CDC42BPB: variants seen among roughly 807,000 people sequenced by gnomAD.
CDC42BPB encodes the protein serine/threonine-protein kinase MRCK beta.
CDC42BPB carries 37 observed loss-of-function variants against 214.9 expected under a neutral mutation model. The ratio of observed to expected loss-of-function variants is 0.17; its 90% confidence interval spans 0.13 to 0.23. The LOEUF (loss-of-function observed/expected upper bound fraction) is 0.23. Among genes scored for constraint, CDC42BPB ranks in the 10% least tolerant of loss-of-function variants. The probability of loss-of-function intolerance (pLI) is 1.00; values close to 1 mark genes in which losing one functional copy is unlikely to be tolerated. For missense variants in CDC42BPB, 1,694 were observed against 2,227.0 expected, an observed-to-expected ratio of 0.76 and a Z score of 4.82; for synonymous variants, 931 against 884.0, an observed-to-expected ratio of 1.05 and a Z score of -0.94.
chr14:103,043,876 TA>T (rs1227179635), intron 1 of CDC42BPB, among the ~76,000 whole-genome samples: 5 of 152,160 alleles, frequency 3.3e-5, no homozygotes, highest in African/African-American at 4.8e-5. Context: ...TCTTGCTTTT[TA>T]AAAAAAATAA....
At chr14:102,986,708 G>C (rs953861499) in intron 5 of CDC42BPB, 128 bp from the exon 6 acceptor site, 9 of 1,380,836 alleles carry the variant, frequency 6.5e-6, no homozygotes, top group Non-Finnish European at 8.5e-6. Flanking sequence ...TCACCATCCA[G>C]TACAAATGCC....
chr14:102,975,591 C>G, intron 11 of CDC42BPB, 93 bp downstream of exon 11: 1 of 1,321,770 alleles, frequency 7.6e-7, no homozygotes, highest in Non-Finnish European at 1.1e-6. Flanking sequence ...TTTTTTTCTG[C>G]TTTCCCACTT....
In CDC42BPB at chr14:102,960,262, G is replaced by T. The variant is rs144255372; in HGVS notation, c.2822-552C>A. On this transcript the variant is annotated intron_variant, in intron 20 of 36. Transcript: ENST00000361246. ...CAAAACCACAGGGGCAGCTGGGCTGGGCGTAGGTGGAGGAGGAGCAGATCT... is the reference window on the plus strand; with the variant it reads ...CAAAACCACAGGGGCAGCTGGGCTGTGCGTAGGTGGAGGAGGAGCAGATCT... Among the ~76,000 whole-genome samples the T allele has an allele frequency of 5.5e-3, 835 of 152,132 alleles. 7 individuals carry two copies. The highest frequency in any genetic ancestry group is 8.4e-3 in the Admixed American group (128 of 15,266).
chr14:102,970,210 G>A lies in CDC42BPB; in HGVS notation c.1936C>T (p.Leu646Phe), dbSNP rs1247042382. 1 of 1,613,932 alleles carries A rather than the reference G, an allele frequency of 6.2e-7. No homozygotes were observed. The highest frequency in any genetic ancestry group is 8.5e-7 in the Non-Finnish European group (1 of 1,179,980). ...CAGAAGTTCTCGCTGTGCTCACGAAGCTTGCGCTCCTTGGAGGCCTCAGCA... is the reference window on the plus strand; with the variant it reads ...CAGAAGTTCTCGCTGTGCTCACGAAACTTGCGCTCCTTGGAGGCCTCAGCA... ...AVAEASKERKLREHSENFCKQ... is the reference protein window; with the variant it reads ...AVAEASKERKFREHSENFCKQ... Residue 646 changes from leucine to phenylalanine, a missense_variant, in exon 14 of 37, where the codon CTT (leucine) becomes TTT (phenylalanine). Around this residue, in one of 7 missense-constraint regions of CDC42BPB, gnomAD observed 462 missense variants for 513.5 expected, o/e 0.90. Coordinates refer to ENST00000361246, the MANE Select transcript of CDC42BPB (RefSeq NM_006035.4).
chr14:102,941,335 TA>T, intron 30 of CDC42BPB: 1 of 985,488 alleles, frequency 1.0e-6, no homozygotes, highest in African/African-American at 1.7e-5. Context: ...AGATGCATTT[TA>T]AAAGCCTTCT....
intron 1 of CDC42BPB, among the ~76,000 whole-genome samples, chr14:103,023,970 G>A (rs1886912659): frequency 6.6e-6 from 1 of 152,166 alleles, no homozygotes; most frequent in Admixed American, 6.5e-5. Context: ...GATGGGGGCG[G>A]TGCCCACCCC....
At chr14:103,000,846 C>T (rs1200364142) in intron 4 of CDC42BPB, among the ~76,000 whole-genome samples, 2 of 152,310 alleles carry the variant, frequency 1.3e-5, no homozygotes, top group East Asian at 3.9e-4. Flanking sequence ...ACCAAGACCC[C>T]ATCGACACGG....
intron 1 of CDC42BPB, among the ~76,000 whole-genome samples, chr14:103,056,780 G>A (rs554736594): frequency 1.3e-5 from 2 of 152,248 alleles, no homozygotes; most frequent in Admixed American, 6.5e-5. Flanking sequence ...AAGGAGGGAT[G>A]AAAAGCTAGC....
In CDC42BPB at chr14:102,972,815, A is replaced by C. The variant is rs577259468; in HGVS notation, c.1642-654T>G. Among the ~76,000 whole-genome samples the C allele has an allele frequency of 4.0e-5, 6 of 148,680 alleles. No homozygotes were observed. In the South Asian group the frequency reaches 1.3e-3, roughly 32 times the overall value. ...GTAATGTCAGCCTCTGCCCAGTGTC[A>C]CCTGCACAGCCGCAAAGCTGAATGA... On this transcript the variant is annotated intron_variant, in intron 12 of 36. Coordinates refer to ENST00000361246, the MANE Select transcript of CDC42BPB (RefSeq NM_006035.4).
chr14:103,043,635 A>G (rs1170670943), intron 1 of CDC42BPB, among the ~76,000 whole-genome samples: 1 of 152,184 alleles, frequency 6.6e-6, no homozygotes, highest in Non-Finnish European at 1.5e-5. Flanking sequence ...GTATGCTTTA[A>G]ACAGGTAAAT....
intron 1 of CDC42BPB, among the ~76,000 whole-genome samples, chr14:103,026,467 A>G (rs1475879620): frequency 6.6e-6 from 1 of 152,232 alleles, no homozygotes; most frequent in African/African-American, 2.4e-5. Context: ...TCTTACAGGT[A>G]AAACATGAAA....
intron 6 of CDC42BPB, among the ~76,000 whole-genome samples, chr14:102,985,952 A>G (rs187020709): frequency 1.6e-4 from 24 of 152,326 alleles, no homozygotes; most frequent in African/African-American, 5.8e-4. Context: ...TCCTGGTGAT[A>G]GCCGATCCGG....
chr14:102,941,851 C>A (rs768670970), intron 30 of CDC42BPB, among the ~76,000 whole-genome samples: 1 of 152,206 alleles, frequency 6.6e-6, no homozygotes, highest in Non-Finnish European at 1.5e-5. Flanking sequence ...CCACACAGGG[C>A]ACTAGCAAAG....
At position 102,938,399 on chromosome 14, in the gene CDC42BPB, G is replaced by C. The variant is rs142790424; in HGVS notation, c.4840C>G (p.Pro1614Ala). 2 of 1,547,948 alleles carry C rather than the reference G, an allele frequency of 1.3e-6. No individual in the cohort carries two copies. The highest frequency in any genetic ancestry group is 2.8e-5 in the African/African-American group (2 of 72,488). ...GGGCCCGGCCTTTCCTCCTGGGAGGGGGGCACAGCACTCTGGGCAGAAATA... is the reference window on the plus strand; with the variant it reads ...GGGCCCGGCCTTTCCTCCTGGGAGGCGGGCACAGCACTCTGGGCAGAAATA... ...LMDLPLSAVP[P>A]SQEERPGPAP... is the part of the protein sequence containing the mutation. Residue 1614 changes from proline to alanine, a missense_variant, in exon 35 of 37, where the codon CCC becomes GCC. By Grantham distance (27) the Pro-to-Ala change is conservative (BLOSUM62 -1). Around this residue, in one of 7 missense-constraint regions of CDC42BPB, gnomAD observed 146 missense variants for 134.1 expected, o/e 1.09. Transcript: ENST00000361246.
intron 1 of CDC42BPB, among the ~76,000 whole-genome samples, chr14:103,053,775 A>G (rs1037110737): frequency 2.0e-5 from 3 of 151,960 alleles, no homozygotes; most frequent in Non-Finnish European, 4.4e-5. Context: ...AAAAAAAAAA[A>G]AAGTTGAAAT....
intron 1 of CDC42BPB, chr14:103,041,531 GC>G: frequency 7.3e-7 from 1 of 1,378,652 alleles, no homozygotes; most frequent in Admixed American, 1.9e-5. Flanking sequence ...CTGGCTCGTG[GC>G]CACATGGTTC....
chr14:103,033,271 G>C (rs1887493322), intron 1 of CDC42BPB, among the ~76,000 whole-genome samples: 1 of 152,086 alleles, frequency 6.6e-6, no homozygotes, highest in African/African-American at 2.4e-5. Context: ...ACCCAGGCTG[G>C]AGTGCAGTGG....
At chr14:103,035,901 C>T (rs1887636622) in intron 1 of CDC42BPB, among the ~76,000 whole-genome samples, 1 of 151,834 alleles carries the variant, frequency 6.6e-6, no homozygotes, top group Non-Finnish European at 1.5e-5. Context: ...TGTAATACAC[C>T]AGCACTTTGG....
chr14:102,976,992 CTGTT>C (rs1893775133), intron 9 of CDC42BPB, among the ~76,000 whole-genome samples: 1 of 152,168 alleles, frequency 6.6e-6, no homozygotes, highest in South Asian at 2.1e-4. Context: ...GGCTTATGGG[CTGTT>C]TAACCCTGGC....
Sources: gnomAD v4.1 joint callset for allele counts (sites outside exome capture counted in the v4.1 genomes callset) on GRCh38, gnomAD v4.1.1 for gene constraint, gnomAD v4.1.1 regional missense constraint, MANE v1.5 for transcripts, NCBI Gene and HGNC (gene_info 2026-07-23, HGNC 2026-07-21) for gene names.